SYNE3: variants seen among roughly 807,000 people sequenced by gnomAD.
SYNE3 encodes spectrin repeat containing nuclear envelope family member 3.
SYNE3 carries 100 observed loss-of-function variants against 111.2 expected under a neutral mutation model. The ratio of observed to expected loss-of-function variants is 0.90; its 90% CI spans 0.77 to 1.06. The LOEUF is 1.06. SYNE3 is among the 50% of genes least tolerant of loss of function. SYNE3 has a pLI of 0.00. For synonymous variants in SYNE3, 547 were observed against 533.9 expected, an observed-to-expected ratio of 1.02 and a Z score of -0.34; for missense variants, 1,160 against 1,240.3, an observed-to-expected ratio of 0.94 and a Z score of 0.97.
intron 1 of SYNE3, among the ~76,000 whole-genome samples, chr14:95,513,958 T>A (rs981775967): frequency 6.6e-6 from 1 of 151,776 alleles, no homozygotes. Flanking sequence ...CTGTACCACA[T>A]CCAGCCGCTG....
At position 95,467,816 on chromosome 14, in the gene SYNE3, G is replaced by T; in HGVS notation, c.296C>A (p.Thr99Asn). 5 of 1,614,192 alleles carry T rather than the reference G, an allele frequency of 3.1e-6. No individual in the cohort carries two copies. Among genetic ancestry groups the T allele is most frequent in the Non-Finnish European group, 4.2e-6 (5 of 1,180,038 alleles). ...CTACCTGTGACAGTGAGTCATGTAG[G>T]TGACTGTCTCCTCCCATTGGGCCTT... is the stretch of plus-strand genomic sequence containing the variant. Reference protein sequence around the residue: ...DIKAQWEETVTYMTHCHSRIE... With the variant: ...DIKAQWEETVNYMTHCHSRIE... Residue 99 changes from threonine (T) to asparagine (N), a missense_variant, in exon 3 of 18, where the codon ACC becomes AAC. Coordinates refer to ENST00000682763, the MANE Select transcript of SYNE3 (RefSeq NM_152592.6).
At chr14:95,446,781 C>T (rs1404765419) in intron 8 of SYNE3, among the ~76,000 whole-genome samples, 5 of 152,274 alleles carry the variant, frequency 3.3e-5, no homozygotes, top group East Asian at 3.9e-4. Context: ...CCGAACTCTG[C>T]GCAGCCCAGG....
intron 1 of SYNE3, among the ~76,000 whole-genome samples, chr14:95,480,763 A>G (rs1364109835): frequency 9.0e-6 from 1 of 111,056 alleles, no homozygotes; most frequent in Admixed American, 8.2e-5. Context: ...ATGCAAACTG[A>G]AAAAAAAAAG....
chr14:95,430,486 G>A (rs144991528), intron 17 of SYNE3, among the ~76,000 whole-genome samples: 3 of 152,292 alleles, frequency 2.0e-5, no homozygotes, highest in African/African-American at 4.8e-5. Context: ...CAGTTCACAC[G>A]ATCTTCAAAA....
At chr14:95,465,105 T>A (rs943113536) in intron 4 of SYNE3, among the ~76,000 whole-genome samples, 1 of 150,676 alleles carries the variant, frequency 6.6e-6, no homozygotes, top group Non-Finnish European at 1.5e-5. Context: ...AGACAGAGAA[T>A]GGACAGAGGG....
chr14:95,455,549 C>T lies in SYNE3; in HGVS notation c.965G>A (p.Arg322Gln), dbSNP rs149457472. The T allele has an allele frequency of 4.8e-5, 78 of 1,613,894 alleles. 1 individual carries two copies. Among genetic ancestry groups the T allele is most frequent in the African/African-American group, 2.0e-4 (15 of 74,932 alleles). The change falls in exon 6 of 18, where the codon CGG becomes CAG. Residue 322 changes from arginine (R) to glutamine (Q), a missense_variant. By Grantham distance (43) the Arg-to-Gln change is conservative. Transcript: ENST00000682763. ...CCTGGACCGGAGCAGGCCCCGCAGC[C>T]GCTCCTCCTCCTCCTCCCAGAGGGC... Reference protein sequence around the residue: ...LRALWEEEEERLRGLLRSRGA... With the variant: ...LRALWEEEEEQLRGLLRSRGA...
chr14:95,455,576 C>T lies in SYNE3; in HGVS notation c.938G>A (p.Arg313His), dbSNP rs768762209. 3.5e-5 allele frequency: 57 copies of T among 1,614,176 alleles called. No individual in the cohort carries two copies. Among genetic ancestry groups the T allele is most frequent in the Non-Finnish European group, 4.4e-5 (52 of 1,180,024 alleles). Residue 313 changes from arginine (R) to histidine (H), a missense_variant, in exon 6 of 18, where the codon CGC (arginine) becomes CAC (histidine). Transcript: ENST00000682763. Reference protein sequence around the residue: ...EEMRKVLEKLRALWEEEEERL... With the variant: ...EEMRKVLEKLHALWEEEEERL... ...CTCCTCCTCCTCCTCCCAGAGGGCGCGCAGCTTCTCCAGAACTTTCCTCAT... is the reference window on the plus strand; with the variant it reads ...CTCCTCCTCCTCCTCCCAGAGGGCGTGCAGCTTCTCCAGAACTTTCCTCAT...
intron 6 of SYNE3, among the ~76,000 whole-genome samples, chr14:95,452,782 C>A (rs1887175280): frequency 6.6e-6 from 1 of 152,342 alleles, no homozygotes; most frequent in Admixed American, 6.5e-5. Flanking sequence ...ATGTTATTTA[C>A]AAGGAAACTT....
At position 95,440,025 on chromosome 14, in the gene SYNE3, G is replaced by A. The variant is rs1396977001; in HGVS notation, c.1962C>T (p.Ser654=). 1.9e-6 allele frequency: 3 copies of A among 1,611,214 alleles called. No homozygotes were observed. Among genetic ancestry groups the A allele is most frequent in the African/African-American group, 2.7e-5 (2 of 74,926 alleles). The change falls in exon 12 of 18, where the codon AGC becomes AGT. Residue 654 remains serine (S), a synonymous_variant. Coordinates refer to ENST00000682763, the MANE Select transcript of SYNE3 (RefSeq NM_152592.6). The stretch of plus-strand genomic sequence containing the variant: ...ACTGCCGCAGCTCCAGCAGCTGGTG[G>A]CTGAAGGTGCAGTGCTCCTGCACAC... ...RQSVQEHCTF[S]HQLLELRQWI...
At chr14:95,450,252 C>A in intron 7 of SYNE3, 147 bp from the exon 8 acceptor site, 1 of 881,762 alleles carries the variant, frequency 1.1e-6, no homozygotes, top group Non-Finnish European at 1.7e-6. Context: ...GGAATGTCTG[C>A]AGCAGTAGAC....
rs766717375 is a variant in SYNE3, at chr14:95,417,999, G to C, written c.2755C>G (p.Leu919Val). ...GCCACACAGCACGCCCTCCGGAAGAGGGAGCCCAGTCCTCGCCACCGCCGA... is the reference window on the plus strand; with the variant it reads ...GCCACACAGCACGCCCTCCGGAAGACGGAGCCCAGTCCTCGCCACCGCCGA... ...KTRRWRGLGSLFRRACCVALP... is the reference protein window; with the variant it reads ...KTRRWRGLGSVFRRACCVALP... The change falls in exon 18 of 18, where the codon CTC becomes GTC. Residue 919 changes from leucine (L) to valine (V), a missense_variant. Leu to Val is a conservative substitution (Grantham distance 32). Transcript: ENST00000682763. 1.2e-6 allele frequency: 2 copies of C among 1,611,696 alleles called. No individual in the cohort carries two copies. The highest frequency in any genetic ancestry group is 8.5e-7 in the Non-Finnish European group (1 of 1,179,800).
chr14:95,490,045 C>A (rs1889770037), intron 1 of SYNE3, among the ~76,000 whole-genome samples: 1 of 152,264 alleles, frequency 6.6e-6, no homozygotes, highest in Admixed American at 6.5e-5. Flanking sequence ...CAATAGTTCA[C>A]ACCTGACTTC....
rs547189350 is a variant in SYNE3 at position 95,470,814 on chromosome 14, C to T, written c.145-2847G>A. ...CTCTACTGAAAATACAAAAATTAGC[C>T]GGGCATGGTGGCGCACACCTGTGAT... On this transcript the variant is annotated intron_variant, in intron 2 of 17. Transcript: ENST00000682763. The surrounding 1 kb of genome is among the most constrained non-coding windows in gnomAD (Gnocchi z 4.2). Among the ~76,000 whole-genome samples, 6 of 152,028 alleles carry T rather than the reference C, an allele frequency of 3.9e-5. No individual in the cohort carries two copies. Among genetic ancestry groups the T allele is most frequent in the African/African-American group, 4.8e-5 (2 of 41,478 alleles).
intron 3 of SYNE3, among the ~76,000 whole-genome samples, chr14:95,466,698 G>A (rs8012098): frequency 0.7 from 105,867 of 152,104 alleles, 37,102 homozygotes; most frequent in African/African-American, 0.76. Context: ...AGCAGACTGC[G>A]GTTGGGATGT....
intron 1 of SYNE3, among the ~76,000 whole-genome samples, chr14:95,511,767 GTTTAATCTC>G (rs1890730237): frequency 6.6e-6 from 1 of 152,064 alleles, no homozygotes; most frequent in Non-Finnish European, 1.5e-5. Flanking sequence ...GATCCTATCA[GTTTAATCTC>G]AGGTATACTT....
rs1397179198 is a variant in SYNE3, at chr14:95,443,383, G to C, written c.1777-94C>G. On this transcript the variant is annotated intron_variant, in intron 10 of 17. Transcript: ENST00000682763. The stretch of plus-strand genomic sequence containing the variant: ...GCAGAGCCTCTGAGTGGGAGAGCCT[G>C]GGAGGGGTGAATTCCCCAAGGCGGT... 6 of 1,503,942 alleles carry C rather than the reference G, an allele frequency of 4.0e-6. No individual in the cohort carries two copies. In the African/African-American group the frequency reaches 8.4e-5, roughly 21 times the overall value. The allele number at this position is 1,503,942 out of a possible 1,614,324, so 93.2% of individuals were successfully genotyped here. A position where few individuals can be genotyped will look rare whatever the true frequency, so the allele number is the denominator to read the frequency against.
chr14:95,475,741 C>A lies in SYNE3; in HGVS notation c.81G>T (p.Leu27=). 5.0e-6 allele frequency: 8 copies of A among 1,608,020 alleles called. No individual in the cohort carries two copies. Among genetic ancestry groups the A allele is most frequent in the Non-Finnish European group, 6.8e-6 (8 of 1,177,638 alleles). The change falls in exon 2 of 18, where the codon CTG becomes CTT. Residue 27 remains leucine, a synonymous_variant. Transcript: ENST00000682763. ...GTCCCTGCGTGTTGTCATTGACCTG[C>A]AGCTGGTCCTGCACAGCCTTCATCC... ...QAWMKAVQDQ[L]QVNDNTQGPR...
rs551781039 is a variant in SYNE3, at chr14:95,414,297, G to A, written c.*3529C>T. On this transcript the variant is annotated 3_prime_UTR_variant, in exon 18 of 18. Transcript: ENST00000682763. ...CTCAGGGTTCCATCTCAAACATGGG[G>A]GTAAAACAGTATCAAACCCTGGGGG... 6.6e-6 allele frequency: 1 copy of A among 152,320 alleles called. No homozygotes were observed. Among genetic ancestry groups the A allele is most frequent in the African/African-American group, 2.4e-5 (1 of 41,558 alleles). The allele number at this position is 152,320 out of a possible 1,614,324, so 9.4% of individuals were successfully genotyped here.
Position 95,446,104 on chromosome 14 carries a change from AG to A in SYNE3, c.1450-14del. ...CCATCAGGGCTGCCTGTGGGAGACA[AG>A]GCTTCCGTGAACCACAGACCGGGCA... On this transcript the variant is annotated splice_polypyrimidine_tract_variant and intron_variant, in intron 8 of 17. Coordinates refer to ENST00000682763, the MANE Select transcript of SYNE3 (RefSeq NM_152592.6). The A allele has an allele frequency of 6.2e-7, 1 of 1,613,562 alleles. No homozygotes were observed. Among genetic ancestry groups the A allele is most frequent in the Non-Finnish European group, 8.5e-7 (1 of 1,179,836 alleles).
Sources: gnomAD v4.1 joint callset for allele counts (sites outside exome capture counted in the v4.1 genomes callset) on GRCh38, gnomAD v4.1.1 for gene constraint, Gnocchi (gnomAD v3.1) non-coding constraint, MANE v1.5 for transcripts, NCBI Gene and HGNC (gene_info 2026-07-23, HGNC 2026-07-21) for gene names.